C9orf85: variants seen among roughly 807,000 people sequenced by gnomAD.
C9orf85 encodes the protein chromosome 9 open reading frame 85, also known as uncharacterized protein C9orf85.
In C9orf85, 16 loss-of-function variants were observed where a neutral mutation model predicts 14.9. The ratio of observed to expected loss-of-function variants is 1.08; its 90% confidence interval spans 0.73 to 1.63. The LOEUF is 1.63. Among genes scored for constraint, C9orf85 ranks in the 40% most tolerant of loss-of-function variants. The probability of loss-of-function intolerance (pLI) is 0.00; values close to 1 mark genes in which losing one functional copy is unlikely to be tolerated. For missense variants in C9orf85, 172 were observed against 186.1 expected (o/e 0.92, Z 0.44); for synonymous variants, 45 against 56.8 (o/e 0.79, Z 0.93).
At position 71,961,556 on chromosome 9, in the gene C9orf85, G is replaced by A. The variant is rs1485046350; in HGVS notation, c.210-9949G>A. Among the ~76,000 whole-genome samples the A allele has an allele frequency of 3.9e-5, 6 of 152,068 alleles. No homozygotes were observed. The South Asian group carries it at 6.2e-4, about 16-fold the overall frequency. ...AGCCTGGGCAACAAAGTAAGACTCC[G>A]CCTCAAAAACAAAAAAATTGTGTCA... is the stretch of plus-strand genomic sequence containing the variant. On this transcript the variant is annotated intron_variant, in intron 2 of 3. Transcript: ENST00000334731.
chr9:71,932,868 GGAGA>G lies in C9orf85; in HGVS notation c.103-14134_103-14131del, dbSNP rs762653079. ...TACTCAAAGAACTAAAGAAAGATGT[GGAGA>G]GAGTCAAGAAAATGATATATGAATA... On this transcript the variant is annotated intron_variant, in intron 1 of 3. Coordinates refer to ENST00000334731, the MANE Select transcript of C9orf85 (RefSeq NM_182505.5). 9.4e-4 allele frequency among the ~76,000 whole-genome samples: 143 copies of G among 152,162 alleles called. 1 individual carries two copies. The highest frequency in any genetic ancestry group is 2.7e-3 in the African/African-American group (113 of 41,538).
chr9:71,915,556 G>A (rs1827627382), intron 1 of C9orf85, among the ~76,000 whole-genome samples: 1 of 152,062 alleles, frequency 6.6e-6, no homozygotes, highest in South Asian at 2.1e-4. Context: ...CCCTGCAGTT[G>A]ATCAAAGCCT....
chr9:71,932,228 G>C (rs1194891627), intron 1 of C9orf85, among the ~76,000 whole-genome samples: 1 of 152,128 alleles, frequency 6.6e-6, no homozygotes, highest in African/African-American at 2.4e-5. Context: ...TGTACAGTTT[G>C]TACACACTCA....
downstream of C9orf85, among the ~76,000 whole-genome samples, chr9:71,976,988 C>A (rs1166155586): frequency 1.3e-5 from 2 of 152,060 alleles, no homozygotes; most frequent in East Asian, 3.9e-4. Flanking sequence ...CTGTTTCTAC[C>A]TGAATATGAT....
At chr9:71,946,747 T>C (rs1197744927) in intron 1 of C9orf85, among the ~76,000 whole-genome samples, 3 of 151,658 alleles carry the variant, frequency 2.0e-5, no homozygotes, top group Non-Finnish European at 4.4e-5. Flanking sequence ...TGAGCCAAAA[T>C]TGTGCCACTG....
chr9:71,920,304 T>C (rs1267938390), intron 1 of C9orf85, among the ~76,000 whole-genome samples: 1 of 152,242 alleles, frequency 6.6e-6, no homozygotes, highest in East Asian at 1.9e-4. Flanking sequence ...CTATACTTAC[T>C]GTTTTTAGGG....
intron 2 of C9orf85, among the ~76,000 whole-genome samples, chr9:71,954,561 C>G (rs1564094647): frequency 2.0e-5 from 3 of 152,110 alleles, no homozygotes; most frequent in African/African-American, 7.2e-5. Flanking sequence ...TTATTCATGT[C>G]TTTGCTTTTT....
intron 1 of C9orf85, among the ~76,000 whole-genome samples, chr9:71,932,747 G>A (rs1048042230): frequency 6.6e-6 from 1 of 152,064 alleles, no homozygotes; most frequent in Non-Finnish European, 1.5e-5. Context: ...AGGAAAATAT[G>A]GCTCATTCAA....
downstream of C9orf85, chr9:71,983,954 G>A (rs943781373): frequency 5.9e-5 from 9 of 152,186 alleles, no homozygotes; most frequent in African/African-American, 2.2e-4. Flanking sequence ...CTGGAAGGAG[G>A]AGGTGATTCA....
At chr9:71,936,911 A>G (rs540174144) in intron 1 of C9orf85, among the ~76,000 whole-genome samples, 1 of 151,598 alleles carries the variant, frequency 6.6e-6, no homozygotes, top group South Asian at 2.1e-4. Context: ...GGTGTGCACC[A>G]CCTTGCCTGG....
intron 2 of C9orf85, among the ~76,000 whole-genome samples, chr9:71,956,195 A>G (rs1003743603): frequency 3.0e-4 from 45 of 151,918 alleles, no homozygotes; most frequent in African/African-American, 9.9e-4. Context: ...TTTACATGCT[A>G]ATAAGCATTG....
intron 1 of C9orf85, among the ~76,000 whole-genome samples, chr9:71,937,006 A>T (rs954997370): frequency 1.5e-4 from 23 of 152,000 alleles, no homozygotes; most frequent in African/African-American, 5.6e-4. Context: ...TGATCCTCCC[A>T]TCTCGGCTTC....
intron 3 of C9orf85, among the ~76,000 whole-genome samples, chr9:71,981,595 T>C (rs920361823): frequency 6.6e-6 from 1 of 152,234 alleles, no homozygotes; most frequent in African/African-American, 2.4e-5. Flanking sequence ...GTTAGTAGAC[T>C]GACTACTATA....
chr9:71,969,593 T>G (rs1254924987), intron 2 of C9orf85, among the ~76,000 whole-genome samples: 1 of 152,220 alleles, frequency 6.6e-6, no homozygotes, highest in Non-Finnish European at 1.5e-5. Context: ...TCAGTATCAT[T>G]GATTCTGTTC....
At chr9:71,951,499 T>C (rs908737115) in intron 2 of C9orf85, among the ~76,000 whole-genome samples, 1 of 152,144 alleles carries the variant, frequency 6.6e-6, no homozygotes, top group Non-Finnish European at 1.5e-5. Flanking sequence ...GCACAATCTG[T>C]ACCAAGATCC....
intron 1 of C9orf85, among the ~76,000 whole-genome samples, chr9:71,914,106 GC>G (rs1490669903): frequency 6.6e-6 from 1 of 152,152 alleles, no homozygotes; most frequent in Non-Finnish European, 1.5e-5. Context: ...GCCATCTAAA[GC>G]CAAGACTTTG....
At chr9:71,968,101 T>TATATATAG (rs1554709461) in intron 2 of C9orf85, among the ~76,000 whole-genome samples, 59 of 146,816 alleles carry the variant, frequency 4.0e-4, no homozygotes, top group African/African-American at 1.4e-3. Context: ...TATATATATA[T>TATATATAG]AGAGAGAGAG....
chr9:71,958,263 TA>T (rs200638711), intron 2 of C9orf85, among the ~76,000 whole-genome samples: 1,338 of 38,714 alleles, frequency 0.035, 21 homozygotes, highest in African/African-American at 0.11. Context: ...TTTATATATA[TA>T]AATTTTTTTT....
At chr9:71,971,772 GA>G (rs1051995429) in intron 3 of C9orf85, among the ~76,000 whole-genome samples, 154 bp downstream of exon 3, 3 of 152,134 alleles carry the variant, frequency 2.0e-5, no homozygotes, top group Admixed American at 2.0e-4. Context: ...AGGAGTTCAA[GA>G]CCAGACTGGC....
Sources: gnomAD v4.1 joint callset for allele counts (sites outside exome capture counted in the v4.1 genomes callset) on GRCh38, gnomAD v4.1.1 for gene constraint, MANE v1.5 for transcripts, NCBI Gene and HGNC (gene_info 2026-07-23, HGNC 2026-07-21) for gene names.